SUSD1: variants seen among roughly 807,000 people sequenced by gnomAD.
SUSD1 encodes sushi domain containing 1.
A neutral mutation model predicts 86.9 loss-of-function variants in SUSD1; 65 were observed. That is an observed-to-expected ratio of 0.75 (90% CI 0.61 to 0.92). The LOEUF (loss-of-function observed/expected upper bound fraction) is 0.92, where lower values mean the gene tolerates loss of function less well. SUSD1 is among the 40% of genes least tolerant of loss of function. The pLI is 0.00. For missense variants in SUSD1, 850 were observed against 929.7 expected (o/e 0.91, Z 1.11); for synonymous variants, 346 against 350.0 (o/e 0.99, Z 0.13).
intron 10 of SUSD1, among the ~76,000 whole-genome samples, chr9:112,096,112 G>C (rs1830385409): frequency 6.6e-6 from 1 of 152,122 alleles, no homozygotes; most frequent in African/African-American, 2.4e-5. Flanking sequence ...ACCTACAGAG[G>C]CTGAACTATG....
intron 12 of SUSD1, among the ~76,000 whole-genome samples, chr9:112,078,007 T>A (rs2131552227): frequency 6.6e-6 from 1 of 151,486 alleles, no homozygotes; most frequent in Non-Finnish European, 1.5e-5. Context: ...CCCCTCCCCC[T>A]CCCCACAGAC....
At chr9:112,077,146 G>A (rs1291315736) in intron 12 of SUSD1, among the ~76,000 whole-genome samples, 1 of 152,138 alleles carries the variant, frequency 6.6e-6, no homozygotes, top group Non-Finnish European at 1.5e-5. Context: ...CAACATGCTA[G>A]GCAATGCTGG....
intron 15 of SUSD1, among the ~76,000 whole-genome samples, chr9:112,044,896 G>T (rs568620422): frequency 6.6e-6 from 1 of 152,310 alleles, no homozygotes; most frequent in Non-Finnish European, 1.5e-5. Context: ...CTAGAATAAT[G>T]GGCAAGAAGT....
At chr9:112,051,142 G>A (rs970944155) in intron 15 of SUSD1, among the ~76,000 whole-genome samples, 7 of 152,274 alleles carry the variant, frequency 4.6e-5, no homozygotes, top group East Asian at 1.9e-4. Flanking sequence ...CTAAATGAGC[G>A]TATTTATTGT....
At chr9:112,117,867 C>T (rs969723677) in intron 6 of SUSD1, among the ~76,000 whole-genome samples, 3 of 152,160 alleles carry the variant, frequency 2.0e-5, no homozygotes, top group Admixed American at 1.3e-4. Flanking sequence ...GAAACTGGAA[C>T]ATGAAATTGG....
Position 112,053,509 on chromosome 9 carries a change from G to A in SUSD1, c.2110-1071C>T, listed in dbSNP as rs536768658. ...AGCCTGGGCAACAGAATGAGACTTC[G>A]TCTCAAAAAAAAAAAAAAAAAAAAA... On this transcript the variant is annotated intron_variant, in intron 14 of 16. Transcript: ENST00000374270. Among the ~76,000 whole-genome samples, 90 of 61,212 alleles carry A rather than the reference G, an allele frequency of 1.5e-3. 2 individuals carry two copies. The East Asian group carries it at 0.025, about 17-fold the overall frequency. The allele number at this position is 61,212 out of a possible 152,430, so 40.2% of individuals were successfully genotyped here.
chr9:112,143,221 A>T (rs1245649167), intron 4 of SUSD1, among the ~76,000 whole-genome samples: 2 of 151,706 alleles, frequency 1.3e-5, no homozygotes, highest in Non-Finnish European at 2.9e-5. Context: ...CCTGACCTCA[A>T]GTGATCCACC....
intron 11 of SUSD1, among the ~76,000 whole-genome samples, 169 bp from the exon 12 acceptor site, chr9:112,078,893 A>G (rs1212817183): frequency 7.0e-6 from 1 of 142,008 alleles, no homozygotes; most frequent in African/African-American, 2.7e-5. Flanking sequence ...GGCTCACTGC[A>G]GCCTCAACCT....
intron 15 of SUSD1, among the ~76,000 whole-genome samples, chr9:112,051,519 C>T (rs923176149): frequency 6.7e-6 from 1 of 148,570 alleles, no homozygotes; most frequent in African/African-American, 2.5e-5. Context: ...GCAACCTTTG[C>T]CTCCCGGGTT....
At chr9:112,053,992 G>A (rs916001572) in intron 14 of SUSD1, among the ~76,000 whole-genome samples, 3 of 152,166 alleles carry the variant, frequency 2.0e-5, no homozygotes, top group Non-Finnish European at 4.4e-5. Context: ...TGGATAAGAA[G>A]GTAAGAAAGA....
At chr9:112,115,808 C>CAAAAAAAAAAA (rs1406590665) in intron 6 of SUSD1, among the ~76,000 whole-genome samples, 94 of 58,902 alleles carry the variant, frequency 1.6e-3, no homozygotes, top group Non-Finnish European at 2.3e-3. Flanking sequence ...GACTCCATTG[C>CAAAAAAAAAAA]AAAAAAAAAA....
intron 10 of SUSD1, among the ~76,000 whole-genome samples, chr9:112,080,635 C>T (rs1313143407): frequency 6.8e-6 from 1 of 146,950 alleles, no homozygotes; most frequent in Non-Finnish European, 1.5e-5. Context: ...TTGCAGTCAG[C>T]AGAGATTGTG....
chr9:112,058,549 G>C lies in SUSD1; in HGVS notation c.1988C>G (p.Pro663Arg). Residue 663 changes from proline to arginine, a missense_variant, in exon 14 of 17, where the codon CCA (proline) becomes CGA (arginine). Pro to Arg is a moderately radical substitution (Grantham distance 103). Coordinates refer to ENST00000374270, the MANE Select transcript of SUSD1 (RefSeq NM_022486.5). Reference protein sequence around the residue: ...VAAELLAKDVPDDAMEIPIGD... With the variant: ...VAAELLAKDVRDDAMEIPIGD... ...TATAGGTATCTCCATGGCATCATCT[G>C]GAACATCTTTGGCCAGTAGTTCTGC... The C allele has an allele frequency of 6.2e-7, 1 of 1,614,112 alleles. No individual in the cohort carries two copies. The highest frequency in any genetic ancestry group is 8.5e-7 in the Non-Finnish European group (1 of 1,180,014).
Position 112,080,107 on chromosome 9 carries a change from G to A in SUSD1, c.1533C>T (p.Ser511=). ...GFNETCLRWR[S]IKTADMEEMY... ...TCTCCTCCATATCAGCTGTCTTGAT[G>A]CTTCTCCATCTCAAGCAGGTTTCAT... Residue 511 remains serine, a synonymous_variant, in exon 11 of 17, where the codon AGC becomes AGT. Transcript: ENST00000374270. The A allele has an allele frequency of 6.2e-7, 1 of 1,613,380 alleles. No individual in the cohort carries two copies. Among genetic ancestry groups the A allele is most frequent in the East Asian group, 2.2e-5 (1 of 44,844 alleles).
rs71382410 is a variant in SUSD1 at position 112,152,751 on chromosome 9, C to CT, written c.218-3353dup. 8.0e-3 allele frequency among the ~76,000 whole-genome samples: 702 copies of CT among 87,440 alleles called. 29 individuals are homozygous for CT. Among genetic ancestry groups the CT allele is most frequent in the Middle Eastern group, 0.02 (2 of 102 alleles). The allele number at this position is 87,440 out of a possible 152,430, so 57.4% of individuals were successfully genotyped here. On this transcript the variant is annotated intron_variant, in intron 2 of 16. Transcript: ENST00000374270. Reference sequence around the variant, plus strand: ...TTTTTCTTCTATTATTTTTTTTAATCTTTTTTTTTTTTTTTTTTTTGTAAA... The same window carrying CT: ...TTTTTCTTCTATTATTTTTTTTAATCTTTTTTTTTTTTTTTTTTTTTGTAAA...
intron 6 of SUSD1, among the ~76,000 whole-genome samples, chr9:112,116,466 C>A (rs1024116738): frequency 4.6e-5 from 7 of 152,228 alleles, no homozygotes; most frequent in African/African-American, 1.7e-4. Context: ...TCCAATAGTG[C>A]TGATAACTGA....
At position 112,124,117 on chromosome 9, in the gene SUSD1, T is replaced by G. The variant is rs933338790; in HGVS notation, c.886+140A>C. ...ATCTTCAGGATTTAGCTGACAAATC[T>G]AAAGCCAGGTGCACAACCAGGTAAA... On this transcript the variant is annotated intron_variant, in intron 6 of 16. Coordinates refer to ENST00000374270, the MANE Select transcript of SUSD1 (RefSeq NM_022486.5). 4.0e-6 allele frequency: 3 copies of G among 757,178 alleles called. No homozygotes were observed. In the African/African-American group the frequency reaches 5.2e-5, roughly 13 times the overall value. 46.9% of individuals were successfully genotyped at this position (757,178 alleles called of 1,614,324 possible).
chr9:112,153,733 C>T (rs932005740), intron 2 of SUSD1, among the ~76,000 whole-genome samples: 6 of 151,744 alleles, frequency 4.0e-5, no homozygotes, highest in Middle Eastern at 3.2e-3. Flanking sequence ...CCTGTCTCAG[C>T]CTCCTGAGTA....
At chr9:112,148,411 C>G (rs1424294291) in intron 3 of SUSD1, among the ~76,000 whole-genome samples, 1 of 152,166 alleles carries the variant, frequency 6.6e-6, no homozygotes. Context: ...ACTCCTCACT[C>G]AGCGCACACA....
Sources: gnomAD v4.1 joint callset for allele counts (sites outside exome capture counted in the v4.1 genomes callset) on GRCh38, gnomAD v4.1.1 for gene constraint, MANE v1.5 for transcripts, NCBI Gene and HGNC (gene_info 2026-07-23, HGNC 2026-07-21) for gene names.